Variants in SOCS6 observed in about 807,000 individuals in gnomAD.
The protein encoded by SOCS6 is STAT induced STAT inhibitor-4.
In SOCS6, 5 loss-of-function variants were observed where a neutral mutation model predicts 27.7. The observed-to-expected ratio is 0.18, with a 90% CI of 0.09 to 0.38. SOCS6 has a LOEUF of 0.38. SOCS6 is among the 10% of genes least tolerant of loss of function. SOCS6 has a pLI of 1.00. For missense variants in SOCS6, 595 were observed against 688.1 expected, an observed-to-expected ratio of 0.86 and a Z score of 1.51; for synonymous variants, 271 against 260.0, an observed-to-expected ratio of 1.04 and a Z score of -0.41.
Position 70,325,397 on chromosome 18 carries a change from C to T in SOCS6, c.729C>T (p.Asp243=), listed in dbSNP as rs771418317. The T allele has an allele frequency of 1.2e-6, 2 of 1,614,216 alleles. No homozygotes were observed. Among genetic ancestry groups the T allele is most frequent in the Non-Finnish European group, 1.7e-6 (2 of 1,180,028 alleles). The change falls in exon 2 of 2, where the codon GAC becomes GAT. Residue 243 remains aspartate, a synonymous_variant. Coordinates refer to ENST00000397942, the MANE Select transcript of SOCS6 (RefSeq NM_004232.4). This position sits in a 1 kb window ranked among gnomAD's most constrained non-coding sequence, Gnocchi z 6.3. ...PLEGSRSYCL[D]SSSPMEVSAV... ...AAGGATCACGGAGCTATTGTCTGGA[C>T]AGCTCTTCTCCCATGGAAGTCTCTG...
At chr18:70,311,430 G>A (rs771145910) in intron 1 of SOCS6, among the ~76,000 whole-genome samples, 14 of 152,158 alleles carry the variant, frequency 9.2e-5, no homozygotes, top group Non-Finnish European at 1.9e-4. Context: ...AGAGCATCAC[G>A]GACCTGCTTT....
chr18:70,308,415 T>G (rs374997415), intron 1 of SOCS6, among the ~76,000 whole-genome samples: 1 of 151,752 alleles, frequency 6.6e-6, no homozygotes, highest in East Asian at 1.9e-4. Context: ...AACAACTAGG[T>G]CTCACTATGC....
At chr18:70,323,616 C>T (rs1420024377) in intron 1 of SOCS6, among the ~76,000 whole-genome samples, 1 of 152,208 alleles carries the variant, frequency 6.6e-6, no homozygotes, top group Non-Finnish European at 1.5e-5. Flanking sequence ...GCGCATTGAG[C>T]TTCTTCCTCC....
intron 1 of SOCS6, among the ~76,000 whole-genome samples, chr18:70,312,249 C>T (rs1231437087): frequency 6.6e-6 from 1 of 152,082 alleles, no homozygotes; most frequent in African/African-American, 2.4e-5. Context: ...AAAGACTTGG[C>T]ACATAGTAGG....
At chr18:70,297,204 A>G (rs2062328215) in intron 1 of SOCS6, among the ~76,000 whole-genome samples, 2 of 151,946 alleles carry the variant, frequency 1.3e-5, no homozygotes, top group Admixed American at 1.3e-4. Flanking sequence ...CTTCCTTTCC[A>G]GCAGTCTTAG....
chr18:70,297,214 G>A (rs376043551), intron 1 of SOCS6, among the ~76,000 whole-genome samples: 28 of 152,114 alleles, frequency 1.8e-4, no homozygotes, highest in African/African-American at 6.3e-4. Flanking sequence ...AGCAGTCTTA[G>A]ATTTTGGTTT....
At chr18:70,310,402 C>T (rs1222105618) in intron 1 of SOCS6, among the ~76,000 whole-genome samples, 2 of 150,688 alleles carry the variant, frequency 1.3e-5, no homozygotes, top group African/African-American at 4.9e-5. Context: ...CCACCTCAGC[C>T]TCTTTAGTAG....
intron 1 of SOCS6, among the ~76,000 whole-genome samples, chr18:70,304,112 C>T (rs1401669353): frequency 6.6e-6 from 1 of 151,762 alleles, no homozygotes; most frequent in African/African-American, 2.4e-5. Flanking sequence ...TTTTTTAAGA[C>T]AATAGAAGGG....
intron 1 of SOCS6, among the ~76,000 whole-genome samples, chr18:70,303,796 A>C (rs1214555108): frequency 2.0e-5 from 3 of 152,200 alleles, no homozygotes; most frequent in African/African-American, 7.2e-5. Context: ...CAAAAAACTA[A>C]TAATAATAAA....
rs957593756 is a variant in SOCS6 at position 70,329,309 on chromosome 18, C to T, written c.*3033C>T. 3 of 167,048 alleles carry T rather than the reference C, an allele frequency of 1.8e-5. No homozygotes were observed. Among genetic ancestry groups the T allele is most frequent in the Non-Finnish European group, 4.4e-5 (3 of 68,096 alleles). 10.3% of individuals were successfully genotyped at this position (167,048 alleles called of 1,614,324 possible). On this transcript the variant is annotated 3_prime_UTR_variant, in exon 2 of 2. Coordinates refer to ENST00000397942, the MANE Select transcript of SOCS6 (RefSeq NM_004232.4). Reference sequence around the variant, plus strand: ...CCAGCTACACGGGGCAACCAACCATCTTGCTGTTGAAGAAAACAGTTCCAA... The same window carrying T: ...CCAGCTACACGGGGCAACCAACCATTTTGCTGTTGAAGAAAACAGTTCCAA...
chr18:70,300,507 T>C (rs2062343), intron 1 of SOCS6, among the ~76,000 whole-genome samples: 42,905 of 152,108 alleles, frequency 0.28, 7,265 homozygotes, highest in East Asian at 0.73. Flanking sequence ...TCATATTCAG[T>C]TTAATAATTG....
intron 1 of SOCS6, among the ~76,000 whole-genome samples, chr18:70,317,692 C>T (rs887546049): frequency 4.6e-5 from 7 of 151,074 alleles, no homozygotes; most frequent in Non-Finnish European, 7.4e-5. Context: ...TTTTTTTTCC[C>T]TCTGGGTAGA....
At chr18:70,297,698 T>G (rs1480340490) in intron 1 of SOCS6, among the ~76,000 whole-genome samples, 2 of 151,996 alleles carry the variant, frequency 1.3e-5, no homozygotes, top group African/African-American at 2.4e-5. Flanking sequence ...TTATATTGTT[T>G]GCTTAATAGG....
chr18:70,294,931 C>G (rs951661806), intron 1 of SOCS6, among the ~76,000 whole-genome samples: 1 of 152,224 alleles, frequency 6.6e-6, no homozygotes, highest in African/African-American at 2.4e-5. Flanking sequence ...CACTTGGAGA[C>G]TGGGGAGTGA....
In SOCS6 at chr18:70,317,406, A is replaced by AGT. The variant is rs903781933; in HGVS notation, c.-126-7136_-126-7135dup. Among the ~76,000 whole-genome samples the AGT allele has an allele frequency of 9.2e-5, 14 of 151,652 alleles. 1 individual carries two copies. Among genetic ancestry groups the AGT allele is most frequent in the Admixed American group, 8.6e-4 (13 of 15,200 alleles). Reference sequence around the variant, plus strand: ...ATTCTTTCATTCCTTTTTATAGCTAAGTAGTATTCCATGGTGTGTGTGTGT... The same window carrying AGT: ...ATTCTTTCATTCCTTTTTATAGCTAAGTGTAGTATTCCATGGTGTGTGTGTGT... On this transcript the variant is annotated intron_variant, in intron 1 of 1. Coordinates refer to ENST00000397942, the MANE Select transcript of SOCS6 (RefSeq NM_004232.4).
At chr18:70,309,965 C>T (rs1304580923) in intron 1 of SOCS6, among the ~76,000 whole-genome samples, 33 of 152,150 alleles carry the variant, frequency 2.2e-4, no homozygotes, top group Admixed American at 6.5e-4. Flanking sequence ...GGTTTACAGG[C>T]GTGAGCCACC....
intron 1 of SOCS6, among the ~76,000 whole-genome samples, chr18:70,292,731 G>C (rs2062305601): frequency 6.6e-6 from 1 of 152,080 alleles, no homozygotes; most frequent in Admixed American, 6.5e-5. Flanking sequence ...TTCTCATCTT[G>C]AGCAACCATC....
Position 70,329,063 on chromosome 18 carries a change from C to T in SOCS6, c.*2787C>T, listed in dbSNP as rs923270050. 3 of 167,026 alleles carry T rather than the reference C, an allele frequency of 1.8e-5. No homozygotes were observed. The highest frequency in any genetic ancestry group is 7.2e-5 in the African/African-American group (3 of 41,442). 10.3% of individuals were successfully genotyped at this position (167,026 alleles called of 1,614,324 possible). ...AATTGTTTTCTATTAAATATTTCAT[C>T]ACGAAATATGATGGAGGCCAGAAGC... On this transcript the variant is annotated 3_prime_UTR_variant, in exon 2 of 2. Transcript: ENST00000397942.
Position 70,329,888 on chromosome 18 carries a change from T to TA in SOCS6, c.*3613dup, listed in dbSNP as rs1431496800. On this transcript the variant is annotated 3_prime_UTR_variant, in exon 2 of 2. Transcript: ENST00000397942. Reference sequence around the variant, plus strand: ...ACATCCAGAGATTATGAAAAATTCTTATAGAATTTTGTAACAAGTATTTAC... The same window carrying TA: ...ACATCCAGAGATTATGAAAAATTCTTAATAGAATTTTGTAACAAGTATTTAC... 6.0e-6 allele frequency: 1 copy of TA among 167,080 alleles called. No individual in the cohort carries two copies. The highest frequency in any genetic ancestry group is 2.4e-5 in the African/African-American group (1 of 41,462). The allele number at this position is 167,080 out of a possible 1,614,324, so 10.3% of individuals were successfully genotyped here.
Sources: gnomAD v4.1 joint callset for allele counts (sites outside exome capture counted in the v4.1 genomes callset) on GRCh38, gnomAD v4.1.1 for gene constraint, Gnocchi (gnomAD v3.1) non-coding constraint, MANE v1.5 for transcripts, NCBI Gene and HGNC (gene_info 2026-07-23, HGNC 2026-07-21) for gene names.